TLN2: variants seen among roughly 807,000 people sequenced by gnomAD.
The protein encoded by TLN2 is talin 2.
TLN2 carries 118 observed loss-of-function variants against 294.7 expected under a neutral mutation model. The ratio of observed to expected loss-of-function variants is 0.40; its 90% CI spans 0.34 to 0.47. The LOEUF (loss-of-function observed/expected upper bound fraction) is 0.47, where lower values mean the gene tolerates loss of function less well. TLN2 is among the 20% of genes least tolerant of loss of function. TLN2 has a pLI of 0.84. For synonymous variants in TLN2, 1,431 were observed against 1,304.5 expected, an observed-to-expected ratio of 1.10 and a Z score of -2.09; for missense variants, 3,083 against 3,282.2, an observed-to-expected ratio of 0.94 and a Z score of 1.48.
intron 39 of TLN2, 71 bp from the exon 40 acceptor site, chr15:62,763,492 A>C (rs569300629): frequency 1.3e-6 from 2 of 1,520,310 alleles, no homozygotes; most frequent in East Asian, 2.3e-5. Flanking sequence ...ATCCTGGCCC[A>C]CCAGTGCTGG....
At chr15:62,461,138 C>T (rs570781111) in intron 1 of TLN2, among the ~76,000 whole-genome samples, 2 of 152,124 alleles carry the variant, frequency 1.3e-5, no homozygotes, top group South Asian at 4.2e-4. Flanking sequence ...TTAGTAGAGA[C>T]GGGGTTTCAC....
intron 50 of TLN2, among the ~76,000 whole-genome samples, chr15:62,803,393 A>T (rs1165491383): frequency 6.6e-6 from 1 of 152,152 alleles, no homozygotes; most frequent in African/African-American, 2.4e-5. Flanking sequence ...TCTTTGAATA[A>T]ACTTTCTACC....
intron 1 of TLN2, among the ~76,000 whole-genome samples, chr15:62,472,333 G>A (rs898392687): frequency 2.0e-5 from 3 of 152,124 alleles, no homozygotes; most frequent in Non-Finnish European, 4.4e-5. Context: ...GTCCCATGGG[G>A]AGAACCCTCA....
chr15:62,838,155 C>A (rs1178905801), intron 57 of TLN2: 1 of 152,124 alleles, frequency 6.6e-6, no homozygotes, highest in African/African-American at 2.4e-5. Flanking sequence ...GTGCTGAGAC[C>A]CTAAAAGTAC....
chr15:62,529,041 G>T (rs947628090), intron 1 of TLN2, among the ~76,000 whole-genome samples: 2 of 151,838 alleles, frequency 1.3e-5, no homozygotes, highest in Admixed American at 6.6e-5. Context: ...ATTAGTATTT[G>T]GGGATGGATT....
intron 45 of TLN2, 114 bp from the exon 46 acceptor site, chr15:62,792,527 G>A (rs2065145996): frequency 7.1e-7 from 1 of 1,413,216 alleles, no homozygotes; most frequent in East Asian, 2.3e-5. Context: ...AATAGGAGTG[G>A]AATTTTCCTA....
At chr15:62,573,789 T>TA (rs1555433053) in intron 1 of TLN2, among the ~76,000 whole-genome samples, 15 of 150,790 alleles carry the variant, frequency 9.9e-5, no homozygotes, top group East Asian at 3.9e-4. Context: ...TTTTTTTTTT[T>TA]AAAACAACAG....
rs576667316 is a variant in TLN2, at chr15:62,782,176, A to G, written c.5616+935A>G. On this transcript the variant is annotated intron_variant, in intron 44 of 58. Coordinates refer to ENST00000636159, the MANE Select transcript of TLN2 (RefSeq NM_015059.3). ...CCCCTCTGAGTGGTTTTGTCATGTAATCATGTGTCCACTAGGGGTTGAGCT... is the reference window on the plus strand; with the variant it reads ...CCCCTCTGAGTGGTTTTGTCATGTAGTCATGTGTCCACTAGGGGTTGAGCT... 2.6e-5 allele frequency among the ~76,000 whole-genome samples: 4 copies of G among 152,332 alleles called. No individual in the cohort carries two copies. The South Asian group carries it at 8.3e-4, about 32-fold the overall frequency.
At chr15:62,558,090 T>C (rs1296591651) in intron 1 of TLN2, among the ~76,000 whole-genome samples, 1 of 152,232 alleles carries the variant, frequency 6.6e-6, no homozygotes, top group African/African-American at 2.4e-5. Context: ...GAAAAGACTT[T>C]GCTAAAAAAT....
At chr15:62,775,176 T>C (rs940225154) in intron 42 of TLN2, among the ~76,000 whole-genome samples, 1 of 152,168 alleles carries the variant, frequency 6.6e-6, no homozygotes, top group Non-Finnish European at 1.5e-5. Context: ...CAGGATGGTC[T>C]CGATCTCCTG....
intron 15 of TLN2, 48 bp from the exon 16 acceptor site, chr15:62,698,706 C>A: frequency 1.3e-6 from 2 of 1,498,384 alleles, no homozygotes; most frequent in Non-Finnish European, 1.8e-6. Flanking sequence ...AGGGCCATGT[C>A]GGTCCCAGGC....
chr15:62,689,068 C>CTTTTT (rs796645804), intron 12 of TLN2, among the ~76,000 whole-genome samples: 2 of 116,636 alleles, frequency 1.7e-5, no homozygotes, highest in Non-Finnish European at 1.8e-5. Flanking sequence ...TTCTCTCTCT[C>CTTTTT]TTTTTTTTTT....
At chr15:62,656,937 C>T (rs904820098) in intron 8 of TLN2, among the ~76,000 whole-genome samples, 14 of 152,136 alleles carry the variant, frequency 9.2e-5, no homozygotes, top group African/African-American at 3.4e-4. Context: ...GAAATGTTTA[C>T]TATTTGGCCT....
chr15:62,740,618 T>A lies in TLN2; in HGVS notation c.3886-12T>A. 1 of 1,614,122 alleles carries A rather than the reference T, an allele frequency of 6.2e-7. No homozygotes were observed. The highest frequency in any genetic ancestry group is 8.5e-7 in the Non-Finnish European group (1 of 1,180,020). On this transcript the variant is annotated splice_polypyrimidine_tract_variant and intron_variant, in intron 31 of 58. Coordinates refer to ENST00000636159, the MANE Select transcript of TLN2 (RefSeq NM_015059.3). ...CAGGCCCTAATAGCTCCGGCTCCTTTTGACCTTCCAGACAAAAGAAGACCA... is the reference window on the plus strand; with the variant it reads ...CAGGCCCTAATAGCTCCGGCTCCTTATGACCTTCCAGACAAAAGAAGACCA...
At chr15:62,833,333 A>AG in intron 54 of TLN2, 171 bp from the exon 55 acceptor site, 1 of 1,010,278 alleles carries the variant, frequency 9.9e-7, no homozygotes, top group Non-Finnish European at 1.4e-6. Context: ...AAGTTTGCAC[A>AG]GGGGACCTGT....
At chr15:62,745,095 C>T (rs767842447) in intron 32 of TLN2, among the ~76,000 whole-genome samples, 2 of 152,166 alleles carry the variant, frequency 1.3e-5, no homozygotes, top group Non-Finnish European at 2.9e-5. Context: ...TTAAAACTTC[C>T]AGCCAGAGCT....
intron 45 of TLN2, among the ~76,000 whole-genome samples, chr15:62,786,648 A>T (rs1310517669): frequency 4.0e-5 from 6 of 151,712 alleles, no homozygotes; most frequent in Non-Finnish European, 8.8e-5. Context: ...ATGCCTTAAA[A>T]GCTGGCGCAA....
chr15:62,516,405 C>G (rs1447749163), intron 1 of TLN2, among the ~76,000 whole-genome samples: 1 of 152,180 alleles, frequency 6.6e-6, no homozygotes, highest in African/African-American at 2.4e-5. Context: ...TGGTCCTAAT[C>G]ACATTATGCA....
intron 1 of TLN2, among the ~76,000 whole-genome samples, chr15:62,398,822 T>C (rs911080921): frequency 3.9e-5 from 6 of 152,166 alleles, no homozygotes; most frequent in Non-Finnish European, 7.4e-5. Context: ...GTTTAGAAGA[T>C]TTGTAGCCTG....
Sources: allele counts gnomAD v4.1 joint callset (sites outside exome capture counted in the v4.1 genomes callset), GRCh38; gene constraint gnomAD v4.1.1; transcripts MANE v1.5; gene names NCBI Gene and HGNC (gene_info 2026-07-23, HGNC 2026-07-21).